The following KDM4C variants were observed in gnomAD, a reference collection of about 807,000 sequenced individuals.
KDM4C encodes lysine-specific demethylase 4C.
Under a neutral mutation model 129.3 loss-of-function variants are expected in KDM4C, and 81 were observed. The ratio of observed to expected loss-of-function variants is 0.63; its 90% CI spans 0.52 to 0.75. The LOEUF (loss-of-function observed/expected upper bound fraction) is 0.75, where lower values mean the gene tolerates loss of function less well. KDM4C is among the 30% of genes least tolerant of loss of function. The pLI is 0.00. For missense variants in KDM4C, 1,457 were observed against 1,304.0 expected, an observed-to-expected ratio of 1.12 and a Z score of -1.81; for synonymous variants, 573 against 456.1, an observed-to-expected ratio of 1.26 and a Z score of -3.26.
intron 15 of KDM4C, among the ~76,000 whole-genome samples, chr9:7,030,565 G>C (rs1333762125): frequency 1.3e-5 from 2 of 152,156 alleles, no homozygotes; most frequent in African/African-American, 4.8e-5. Context: ...GTGCAGGCAA[G>C]AGATAATTGG....
chr9:6,786,371 T>G (rs1331225004), intron 1 of KDM4C, among the ~76,000 whole-genome samples: 2 of 152,246 alleles, frequency 1.3e-5, no homozygotes, highest in East Asian at 3.8e-4. Flanking sequence ...GGTCTTTAGC[T>G]TATTAAAAAA....
chr9:6,762,816 G>A (rs1265594833), intron 1 of KDM4C, among the ~76,000 whole-genome samples: 1 of 151,528 alleles, frequency 6.6e-6, no homozygotes, highest in Non-Finnish European at 1.5e-5. Context: ...CTGCCATCAC[G>A]CCCAGCTAAT....
At chr9:7,172,743 G>C (rs1039376849) in intron 21 of KDM4C, among the ~76,000 whole-genome samples, 29 of 152,176 alleles carry the variant, frequency 1.9e-4, no homozygotes. Context: ...CTTCCTTGTG[G>C]CTGTTTTCTT....
rs1207568946 is a variant in KDM4C, at chr9:6,725,594, TCTC to T, written c.49+4600_49+4602del. ...CCTCTGTCTCCCCGGATCAAGCAAT[TCTC>T]CTGCCTCAGCCTCCCAAGTAGCTGG... is the stretch of plus-strand genomic sequence containing the variant. On this transcript the variant is annotated intron_variant, in intron 1 of 17. Transcript: ENST00000536108. Among the ~76,000 whole-genome samples the T allele has an allele frequency of 3.3e-5, 5 of 152,054 alleles. No individual in the cohort carries two copies. The South Asian group carries it at 6.2e-4, about 19-fold the overall frequency.
intron 1 of KDM4C, among the ~76,000 whole-genome samples, chr9:6,775,970 T>C (rs1349452728): frequency 6.6e-6 from 1 of 152,372 alleles, no homozygotes; most frequent in East Asian, 1.9e-4. Context: ...GCATTGCCAA[T>C]GTCTCAAGGA....
intron 15 of KDM4C, among the ~76,000 whole-genome samples, chr9:7,017,468 T>C (rs1352108648): frequency 6.6e-6 from 1 of 152,132 alleles, no homozygotes; most frequent in Non-Finnish European, 1.5e-5. Context: ...GCAGATTTTT[T>C]TGGGGGCAGA....
chr9:6,914,901 A>G (rs887288787), intron 8 of KDM4C, among the ~76,000 whole-genome samples: 1 of 152,190 alleles, frequency 6.6e-6, no homozygotes, highest in Admixed American at 6.5e-5. Context: ...GTAAATTTCT[A>G]TTATTTGTGA....
chr9:6,846,971 T>G (rs1837953847), intron 4 of KDM4C, among the ~76,000 whole-genome samples: 1 of 152,206 alleles, frequency 6.6e-6, no homozygotes, highest in South Asian at 2.1e-4. Context: ...CTCAGTGACC[T>G]GCAGAGCTGG....
intron 8 of KDM4C, among the ~76,000 whole-genome samples, chr9:6,951,416 A>C (rs959560634): frequency 4.6e-5 from 7 of 152,208 alleles, no homozygotes; most frequent in African/African-American, 1.4e-4. Context: ...TGATCTGATT[A>C]CATTCTGGTG....
At chr9:6,791,206 G>C (rs974187087) in intron 1 of KDM4C, among the ~76,000 whole-genome samples, 1 of 152,128 alleles carries the variant, frequency 6.6e-6, no homozygotes, top group Non-Finnish European at 1.5e-5. Flanking sequence ...CTACCTCCCA[G>C]GTTCAAGTGA....
intron 8 of KDM4C, among the ~76,000 whole-genome samples, chr9:6,968,628 T>C (rs1167674775): frequency 6.6e-6 from 1 of 152,246 alleles, no homozygotes; most frequent in Non-Finnish European, 1.5e-5. Flanking sequence ...TTGTTGGAAC[T>C]GCTAGAATAA....
intron 12 of KDM4C, among the ~76,000 whole-genome samples, chr9:6,997,190 G>GA (rs375264548): frequency 1.5e-3 from 227 of 151,862 alleles, no homozygotes; most frequent in African/African-American, 5.2e-3. Flanking sequence ...GTTGTAAGGA[G>GA]AGGGGGAAAG....
chr9:6,846,753 T>A (rs1168151161), intron 4 of KDM4C, among the ~76,000 whole-genome samples: 1 of 152,178 alleles, frequency 6.6e-6, no homozygotes, highest in Non-Finnish European at 1.5e-5. Context: ...CTCACATGCT[T>A]GACTTGTTTT....
chr9:6,830,650 G>A (rs928898574), intron 4 of KDM4C, among the ~76,000 whole-genome samples: 1 of 152,142 alleles, frequency 6.6e-6, no homozygotes, highest in African/African-American at 2.4e-5. Flanking sequence ...GAGAATTATT[G>A]TTAGTTTTCC....
At chr9:7,143,851 G>A (rs1369044726) in intron 19 of KDM4C, among the ~76,000 whole-genome samples, 1 of 152,178 alleles carries the variant, frequency 6.6e-6, no homozygotes, top group Admixed American at 6.5e-5. Context: ...AATGCTGGTA[G>A]TAATTACACA....
intron 5 of KDM4C, among the ~76,000 whole-genome samples, chr9:6,873,392 C>A (rs946447547): frequency 7.2e-5 from 11 of 152,186 alleles, no homozygotes; most frequent in African/African-American, 1.7e-4. Context: ...AGGTTTCCTC[C>A]ACATTGAAAA....
At chr9:7,032,352 A>G (rs1352445314) in intron 15 of KDM4C, among the ~76,000 whole-genome samples, 1 of 152,216 alleles carries the variant, frequency 6.6e-6, no homozygotes, top group Admixed American at 6.5e-5. Flanking sequence ...CTTTTATTCC[A>G]GAACACAACC....
chr9:7,144,335 TTTGG>T (rs1008835939), intron 19 of KDM4C, among the ~76,000 whole-genome samples: 118 of 152,312 alleles, frequency 7.7e-4, no homozygotes, highest in African/African-American at 2.6e-3. Context: ...TTACAGGTTC[TTTGG>T]TTGGTCGTCA....
At chr9:6,882,562 C>G (rs1033670544) in intron 6 of KDM4C, among the ~76,000 whole-genome samples, 2 of 152,146 alleles carry the variant, frequency 1.3e-5, no homozygotes, top group African/African-American at 4.8e-5. Flanking sequence ...TGATTTAGGA[C>G]TTTGTGCAGC....
Sources: gnomAD v4.1 joint callset for allele counts (sites outside exome capture counted in the v4.1 genomes callset) on GRCh38, gnomAD v4.1.1 for gene constraint, MANE v1.5 for transcripts, NCBI Gene and HGNC (gene_info 2026-07-23, HGNC 2026-07-21) for gene names.